PIEZO2: variants seen among roughly 807,000 people sequenced by gnomAD.
The protein encoded by PIEZO2 is piezo-type mechanosensitive ion channel component 2.
PIEZO2 carries 172 observed loss-of-function variants against 337.3 expected under a neutral mutation model. The observed-to-expected ratio is 0.51, with a 90% CI of 0.45 to 0.58. PIEZO2 has a LOEUF of 0.58. PIEZO2 is among the 20% of genes least tolerant of loss of function. PIEZO2 has a pLI of 0.00. For missense variants in PIEZO2, 3,028 were observed against 3,391.3 expected, an observed-to-expected ratio of 0.89 and a Z score of 2.66; for synonymous variants, 1,251 against 1,228.5, an observed-to-expected ratio of 1.02 and a Z score of -0.38.
At chr18:11,075,857 C>A (rs1300305210) in intron 1 of PIEZO2, among the ~76,000 whole-genome samples, 2 of 150,304 alleles carry the variant, frequency 1.3e-5, no homozygotes, top group African/African-American at 4.9e-5. Flanking sequence ...GGCGCGATCT[C>A]CGCTCACTGC....
At chr18:10,686,639 G>A (rs2034557191) in intron 49 of PIEZO2, among the ~76,000 whole-genome samples, 1 of 152,152 alleles carries the variant, frequency 6.6e-6, no homozygotes, top group Admixed American at 6.5e-5. Flanking sequence ...ATAATAGACA[G>A]AAAAAGAGAC....
Position 10,726,925 on chromosome 18 carries a change from C to T in PIEZO2, c.5029+4482G>A. Reference sequence around the variant, plus strand: ...GCTGGATGTGGCGGAGCTGGGTCGCCTGCTGCCCGACTGATGTAGGTTGAG... The same window carrying T: ...GCTGGATGTGGCGGAGCTGGGTCGCTTGCTGCCCGACTGATGTAGGTTGAG... On this transcript the variant is annotated intron_variant, in intron 36 of 55. Coordinates refer to ENST00000674853, the MANE Select transcript of PIEZO2 (RefSeq NM_001378183.1). This position sits in a 1 kb window ranked among gnomAD's most constrained non-coding sequence, Gnocchi z 5.9. The T allele has an allele frequency of 6.4e-7, 1 of 1,554,460 alleles. No homozygotes were observed. Among genetic ancestry groups the T allele is most frequent in the South Asian group, 1.2e-5 (1 of 81,616 alleles).
chr18:11,142,807 G>A (rs1479880366), intron 1 of PIEZO2, among the ~76,000 whole-genome samples: 4 of 149,504 alleles, frequency 2.7e-5, no homozygotes, highest in East Asian at 4.0e-4. Context: ...GACCGGGCAC[G>A]GTGGCTCACA....
At chr18:10,937,585 C>T (rs1038386532) in intron 3 of PIEZO2, among the ~76,000 whole-genome samples, 2 of 152,182 alleles carry the variant, frequency 1.3e-5, no homozygotes, top group African/African-American at 4.8e-5. Context: ...CTCCATGTAA[C>T]AGGTGAAAGC....
intron 3 of PIEZO2, among the ~76,000 whole-genome samples, chr18:10,970,595 G>A (rs2034195045): frequency 1.3e-5 from 2 of 151,944 alleles, no homozygotes; most frequent in Admixed American, 1.3e-4. Context: ...GGAACATAGT[G>A]GGAAATTATA....
At chr18:10,935,018 C>T (rs264248) in intron 3 of PIEZO2, among the ~76,000 whole-genome samples, 97,156 of 151,920 alleles carry the variant, frequency 0.64, 31,843 homozygotes, top group African/African-American at 0.78. Flanking sequence ...ACACAGGCCA[C>T]CTGGCTGTGA....
rs146992107 is a variant in PIEZO2 at position 11,043,036 on chromosome 18, T to C, written c.160+23091A>G. On this transcript the variant is annotated intron_variant, in intron 2 of 55. Transcript: ENST00000674853. ...AGGGGTACTCCAGATACAAGTCTAA[T>C]TGGCTAACCATAATCCCAGCCTGAT... Among the ~76,000 whole-genome samples the C allele has an allele frequency of 1.0e-3, 159 of 152,334 alleles. 1 individual carries two copies. Among genetic ancestry groups the C allele is most frequent in the East Asian group, 9.4e-3 (49 of 5,194 alleles).
At chr18:11,091,196 C>T (rs911244178) in intron 1 of PIEZO2, among the ~76,000 whole-genome samples, 3 of 151,704 alleles carry the variant, frequency 2.0e-5, no homozygotes, top group African/African-American at 7.3e-5. Context: ...ACAGCCTGGC[C>T]AGCATGATGA....
In PIEZO2 at chr18:10,838,398, A is replaced by T. The variant is rs138299015; in HGVS notation, c.917+16955T>A. Among the ~76,000 whole-genome samples, 3 of 152,268 alleles carry T rather than the reference A, an allele frequency of 2.0e-5. No homozygotes were observed. In the East Asian group the frequency reaches 5.8e-4, roughly 29 times the overall value. Reference sequence around the variant, plus strand: ...GATTTCACACTACATTGTTTTTTCAACCTTGGAAAAACTTTGCACTGAGTC... The same window carrying T: ...GATTTCACACTACATTGTTTTTTCATCCTTGGAAAAACTTTGCACTGAGTC... On this transcript the variant is annotated intron_variant, in intron 7 of 55. Coordinates refer to ENST00000674853, the MANE Select transcript of PIEZO2 (RefSeq NM_001378183.1).
At chr18:10,720,419 GTATATATATATA>G (rs74177567) in intron 36 of PIEZO2, among the ~76,000 whole-genome samples, 209 of 9,254 alleles carry the variant, frequency 0.023, 7 homozygotes, top group African/African-American at 0.061. Context: ...GTATGTGTAT[GTATATATATATA>G]TATATATATA....
intron 44 of PIEZO2, among the ~76,000 whole-genome samples, chr18:10,698,656 T>C (rs2035203551): frequency 6.6e-6 from 1 of 152,218 alleles, no homozygotes; most frequent in Admixed American, 6.5e-5. Flanking sequence ...TGGCGTTTAT[T>C]AGGTACAAGG....
At chr18:11,013,213 G>A (rs2035966769) in intron 2 of PIEZO2, among the ~76,000 whole-genome samples, 3 of 152,180 alleles carry the variant, frequency 2.0e-5, no homozygotes, top group Non-Finnish European at 4.4e-5. Context: ...ACCGAAGCAG[G>A]CCCAATGAAA....
Position 10,675,267 on chromosome 18 carries a change from T to C in PIEZO2, c.8103A>G (p.Pro2701=), listed in dbSNP as rs759319149. The change falls in exon 54 of 56, where the codon CCA becomes CCG. Residue 2701 remains proline (P), a synonymous_variant. Transcript: ENST00000674853. ...KTPVTIEKIY[P]YYVKAPSDSN... is the part of the protein sequence containing the mutation. ...AATCACTAGGTGCTTTCACATAATATGGATAAATCTTTTCTATGGTCCTGT... is the reference window on the plus strand; with the variant it reads ...AATCACTAGGTGCTTTCACATAATACGGATAAATCTTTTCTATGGTCCTGT... 5 of 1,538,916 alleles carry C rather than the reference T, an allele frequency of 3.2e-6. No individual in the cohort carries two copies. The South Asian group carries it at 6.1e-5, about 19-fold the overall frequency.
chr18:10,699,065 T>C lies in PIEZO2; in HGVS notation c.6554A>G (p.Lys2185Arg), dbSNP rs998498205. 5.2e-6 allele frequency: 8 copies of C among 1,537,100 alleles called. No individual in the cohort carries two copies. In the African/African-American group the frequency reaches 1.1e-4, roughly 21 times the overall value. ...CACAGACGCGGCCAGGTTGATGGAC[T>C]TGAGAGAATCGGAGGAGTCCCTCCT... ...HGRRDSSDSL[K>R]SINLAASVES... The change falls in exon 44 of 56, where the codon AAG becomes AGG. Residue 2185 changes from lysine to arginine, a missense_variant. By Grantham distance (26) the Lys-to-Arg change is conservative (BLOSUM62 2). Around this residue, in one of 5 missense-constraint regions of PIEZO2, gnomAD observed 1,925 missense variants for 2,051.9 expected, o/e 0.94. Coordinates refer to ENST00000674853, the MANE Select transcript of PIEZO2 (RefSeq NM_001378183.1).
At chr18:10,956,414 T>C (rs950070310) in intron 3 of PIEZO2, among the ~76,000 whole-genome samples, 1 of 152,202 alleles carries the variant, frequency 6.6e-6, no homozygotes, top group Non-Finnish European at 1.5e-5. Flanking sequence ...CCAATGTTCA[T>C]GGATTGGCAA....
rs78409207 is a variant in PIEZO2, at chr18:11,078,447, C to G, written c.65-12225G>C. Among the ~76,000 whole-genome samples the G allele has an allele frequency of 1.3e-5, 2 of 152,194 alleles. No homozygotes were observed. Among genetic ancestry groups the G allele is most frequent in the East Asian group, 3.8e-4 (2 of 5,196 alleles). Reference sequence around the variant, plus strand: ...ATCTCCAGCACATGATGCGACCCAACATTACATCTTAACAACTAATACAGC... The same window carrying G: ...ATCTCCAGCACATGATGCGACCCAAGATTACATCTTAACAACTAATACAGC... On this transcript the variant is annotated intron_variant, in intron 1 of 55. Coordinates refer to ENST00000674853, the MANE Select transcript of PIEZO2 (RefSeq NM_001378183.1). The surrounding 1 kb of genome is among the most constrained non-coding windows in gnomAD (Gnocchi z 5.3).
rs1449390003 is a variant in PIEZO2 at position 10,707,852 on chromosome 18, AT to A, written c.5588+422del. Among the ~76,000 whole-genome samples the A allele has an allele frequency of 6.6e-6, 1 of 152,140 alleles. No individual in the cohort carries two copies. The highest frequency in any genetic ancestry group is 1.5e-5 in the Non-Finnish European group (1 of 68,016). On this transcript the variant is annotated intron_variant, in intron 40 of 55. Transcript: ENST00000674853. This position sits in a 1 kb window ranked among gnomAD's most constrained non-coding sequence, Gnocchi z 4.2. Reference sequence around the variant, plus strand: ...ATGACTACCTATGATAGATTTTTAGATTTTTTTCCTACTGCATGCATCTTTT... The same window carrying A: ...ATGACTACCTATGATAGATTTTTAGATTTTTTCCTACTGCATGCATCTTTT...
chr18:11,057,428 G>A (rs150225685), intron 2 of PIEZO2, among the ~76,000 whole-genome samples: 1 of 152,276 alleles, frequency 6.6e-6, no homozygotes, highest in Non-Finnish European at 1.5e-5. Flanking sequence ...TCTAAAAACA[G>A]GAAGTCATTT....
At chr18:10,972,855 T>G (rs1338261109) in intron 3 of PIEZO2, among the ~76,000 whole-genome samples, 1 of 152,204 alleles carries the variant, frequency 6.6e-6, no homozygotes, top group Admixed American at 6.5e-5. Context: ...CTTGTACTAT[T>G]TGACCACTTA....
Sources: allele counts gnomAD v4.1 joint callset (sites outside exome capture counted in the v4.1 genomes callset), GRCh38; gene constraint gnomAD v4.1.1; regional missense constraint gnomAD v4.1.1; non-coding constraint Gnocchi (gnomAD v3.1); transcripts MANE v1.5; gene names NCBI Gene and HGNC (gene_info 2026-07-23, HGNC 2026-07-21).